SLC5A10: variants seen among roughly 807,000 people sequenced by gnomAD.
SLC5A10 encodes the protein solute carrier family 5 member 10, also known as sodium/mannose cotransporter SLC5A10.
SLC5A10 carries 55 observed loss-of-function variants against 68.9 expected under a neutral mutation model. The observed-to-expected ratio is 0.80, with a 90% CI of 0.64 to 1.00. The LOEUF (loss-of-function observed/expected upper bound fraction) is 1.00, where lower values mean the gene tolerates loss of function less well. SLC5A10 is among the 50% of genes least tolerant of loss of function. The probability of loss-of-function intolerance (pLI) is 0.00; values close to 1 mark genes in which losing one functional copy is unlikely to be tolerated. For synonymous variants in SLC5A10, 344 were observed against 344.8 expected, an observed-to-expected ratio of 1.00 and a Z score of 0.02; for missense variants, 732 against 819.3, an observed-to-expected ratio of 0.89 and a Z score of 1.30.
At chr17:18,989,528 G>C (rs1473975695) in intron 9 of SLC5A10, among the ~76,000 whole-genome samples, 1 of 152,226 alleles carries the variant, frequency 6.6e-6, no homozygotes, top group Non-Finnish European at 1.5e-5. Flanking sequence ...CAAACTCACT[G>C]TGTGACCCTG....
rs2071363906 is a variant in SLC5A10 at position 19,021,864 on chromosome 17, C to T, written c.*1433C>T. 5 of 1,299,854 alleles carry T rather than the reference C, an allele frequency of 3.8e-6. No homozygotes were observed. The highest frequency in any genetic ancestry group is 5.0e-6 in the Non-Finnish European group (5 of 993,844). 80.5% of individuals were successfully genotyped at this position (1,299,854 alleles called of 1,614,324 possible). On this transcript the variant is annotated 3_prime_UTR_variant, in exon 15 of 15. Coordinates refer to ENST00000395645, the MANE Select transcript of SLC5A10 (RefSeq NM_001042450.4). This position sits in a 1 kb window ranked among gnomAD's most constrained non-coding sequence, Gnocchi z 4.1. ...TTCAGTCCAAGGCCGTCCACTGAGC[C>T]CCGTGTGACTCTGACAGAGCTGGGG...
chr17:19,011,614 GGGATT>G (rs2044015196), intron 9 of SLC5A10, among the ~76,000 whole-genome samples: 1 of 152,006 alleles, frequency 6.6e-6, no homozygotes, highest in Admixed American at 6.6e-5. Flanking sequence ...GGAGGAGCAT[GGGATT>G]GGGCAGGGTG....
chr17:18,971,300 C>A lies in SLC5A10; in HGVS notation c.846+82C>A. On this transcript the variant is annotated intron_variant, in intron 8 of 14. Coordinates refer to ENST00000395645, the MANE Select transcript of SLC5A10 (RefSeq NM_001042450.4). The surrounding 1 kb of genome is among the most constrained non-coding windows in gnomAD (Gnocchi z 5.5). Reference sequence around the variant, plus strand: ...TAGGCCCAGGCGGCCTGTCTGCCCTCCGCGTCATGAGTCTGGGCTGGGGCC... The same window carrying A: ...TAGGCCCAGGCGGCCTGTCTGCCCTACGCGTCATGAGTCTGGGCTGGGGCC... 1.9e-6 allele frequency: 3 copies of A among 1,608,796 alleles called. No homozygotes were observed. Among genetic ancestry groups the A allele is most frequent in the Non-Finnish European group, 2.5e-6 (3 of 1,176,584 alleles).
rs918272140 is a variant in SLC5A10 at position 19,003,278 on chromosome 17, G to T, written c.983-10132G>T. 6.6e-6 allele frequency among the ~76,000 whole-genome samples: 1 copy of T among 151,480 alleles called. No individual in the cohort carries two copies. Among genetic ancestry groups the T allele is most frequent in the Admixed American group, 6.6e-5 (1 of 15,220 alleles). ...AGAAACACCCTCCAACAATAAAGAG[G>T]CCCTTTGAGACGGGGCAGCCCACTG... On this transcript the variant is annotated intron_variant, in intron 9 of 14. Transcript: ENST00000395645. The surrounding 1 kb of genome is among the most constrained non-coding windows in gnomAD (Gnocchi z 4.5).
intron 9 of SLC5A10, among the ~76,000 whole-genome samples, chr17:18,993,091 C>A (rs1251654775): frequency 3.3e-5 from 5 of 152,170 alleles, no homozygotes; most frequent in African/African-American, 7.2e-5. Context: ...TGGTTCCGAG[C>A]ATGGTGGGAA....
chr17:19,009,383 C>T (rs941202545), intron 9 of SLC5A10, among the ~76,000 whole-genome samples: 1 of 151,952 alleles, frequency 6.6e-6, no homozygotes, highest in African/African-American at 2.4e-5. Context: ...GACATGCTTT[C>T]GCCAGGCTTT....
chr17:19,012,810 G>A (rs1399291590), intron 9 of SLC5A10, among the ~76,000 whole-genome samples: 2 of 152,228 alleles, frequency 1.3e-5, no homozygotes, highest in African/African-American at 2.4e-5. Flanking sequence ...GTTGGAGACA[G>A]GGGTGTGGAT....
Position 18,971,502 on chromosome 17 carries a change from C to T in SLC5A10, c.846+284C>T, listed in dbSNP as rs776704845. On this transcript the variant is annotated intron_variant, in intron 8 of 14. Transcript: ENST00000395645. The surrounding 1 kb of genome is among the most constrained non-coding windows in gnomAD (Gnocchi z 5.5). ...ATTCCGAAGGGACTCGGATGCTCCTCGGTGGCCCTGCCATCGGTCATGGGG... is the reference window on the plus strand; with the variant it reads ...ATTCCGAAGGGACTCGGATGCTCCTTGGTGGCCCTGCCATCGGTCATGGGG... 1.7e-5 allele frequency: 28 copies of T among 1,613,888 alleles called. No individual in the cohort carries two copies. The African/African-American group carries it at 1.7e-4, about 10-fold the overall frequency.
In SLC5A10 at chr17:19,017,383, C is replaced by T. The variant is rs949330130; in HGVS notation, c.1242-2040C>T. ...AGCGGTATCTCCTAGGCCTCGTGGT[C>T]ATGGATCTCTGGTAGGGTGAATGGC... On this transcript the variant is annotated intron_variant, in intron 11 of 14. Coordinates refer to ENST00000395645, the MANE Select transcript of SLC5A10 (RefSeq NM_001042450.4). This position sits in a 1 kb window ranked among gnomAD's most constrained non-coding sequence, Gnocchi z 5.6. 2 of 1,551,622 alleles carry T rather than the reference C, an allele frequency of 1.3e-6. No homozygotes were observed. Among genetic ancestry groups the T allele is most frequent in the Non-Finnish European group, 1.7e-6 (2 of 1,146,970 alleles).
At chr17:18,970,781 G>T (rs549523143) in intron 7 of SLC5A10, 1 of 558,080 alleles carries the variant, frequency 1.8e-6, no homozygotes, top group South Asian at 2.2e-5. Context: ...TGTGCAAAAT[G>T]CTTACTTAAT....
chr17:18,963,548 G>T (rs73306439), intron 5 of SLC5A10, among the ~76,000 whole-genome samples: 9,300 of 152,348 alleles, frequency 0.061, 437 homozygotes, highest in South Asian at 0.25. Flanking sequence ...GCTGCGAGAG[G>T]ACTGGGGCTA....
At chr17:19,001,620 T>C (rs1460459791) in intron 9 of SLC5A10, among the ~76,000 whole-genome samples, 2 of 152,170 alleles carry the variant, frequency 1.3e-5, no homozygotes, top group African/African-American at 2.4e-5. Flanking sequence ...GAAGGCAATG[T>C]CACCTTAGGT....
chr17:18,978,262 G>A, intron 9 of SLC5A10: 4 of 1,607,362 alleles, frequency 2.5e-6, no homozygotes, highest in Non-Finnish European at 3.4e-6. Context: ...GACGGGGCCT[G>A]CTGTCCTGGC....
Position 19,017,618 on chromosome 17 carries a change from C to T in SLC5A10, c.1242-1805C>T, listed in dbSNP as rs1597917170. On this transcript the variant is annotated intron_variant, in intron 11 of 14. Coordinates refer to ENST00000395645, the MANE Select transcript of SLC5A10 (RefSeq NM_001042450.4). This position sits in a 1 kb window ranked among gnomAD's most constrained non-coding sequence, Gnocchi z 5.6. ...CACTCCCGTATGCCTGCCCCAAGCC[C>T]CCACACCTCAGTCCACTGTTCCGCC... 1 of 537,188 alleles carries T rather than the reference C, an allele frequency of 1.9e-6. No homozygotes were observed. The highest frequency in any genetic ancestry group is 3.2e-5 in the East Asian group (1 of 31,076). 33.3% of individuals were successfully genotyped at this position (537,188 alleles called of 1,614,324 possible).
At chr17:18,987,534 G>A (rs569433165) in intron 9 of SLC5A10, among the ~76,000 whole-genome samples, 10 of 152,332 alleles carry the variant, frequency 6.6e-5, no homozygotes, top group African/African-American at 2.2e-4. Context: ...GCAGAAGAGC[G>A]TTGGACCAAT....
chr17:18,978,115 G>C (rs1199725636), intron 9 of SLC5A10: 2 of 1,518,240 alleles, frequency 1.3e-6, no homozygotes, highest in East Asian at 4.5e-5. Context: ...TGCTGTCCCG[G>C]GCTAGTACAT....
intron 11 of SLC5A10, among the ~76,000 whole-genome samples, chr17:19,016,860 C>T (rs1032496970): frequency 6.6e-6 from 1 of 152,194 alleles, no homozygotes; most frequent in Non-Finnish European, 1.5e-5. Flanking sequence ...CTCTAAGCCC[C>T]TCCATGCTCC....
At position 18,991,305 on chromosome 17, in the gene SLC5A10, G is replaced by A. The variant is rs142417919; in HGVS notation, c.982+14316G>A. 6.4e-4 allele frequency among the ~76,000 whole-genome samples: 98 copies of A among 152,244 alleles called. 2 individuals are homozygous for A. The South Asian group carries it at 7.7e-3, about 12-fold the overall frequency. ...GGTCTGGGAATGACTGCAGGAATCAGGGCATCTGGGACCACAGCCCCTCCT... is the reference window on the plus strand; with the variant it reads ...GGTCTGGGAATGACTGCAGGAATCAAGGCATCTGGGACCACAGCCCCTCCT... On this transcript the variant is annotated intron_variant, in intron 9 of 14. Coordinates refer to ENST00000395645, the MANE Select transcript of SLC5A10 (RefSeq NM_001042450.4).
chr17:19,019,298 G>C lies in SLC5A10; in HGVS notation c.1242-125G>C, dbSNP rs149895992. 264 of 1,222,932 alleles carry C rather than the reference G, an allele frequency of 2.2e-4. 2 individuals carry two copies. The African/African-American group carries it at 3.6e-3, about 17-fold the overall frequency. The allele number at this position is 1,222,932 out of a possible 1,614,324, so 75.8% of individuals were successfully genotyped here. ...CACTGGTGGTGTGGACCAGAGTCCA[G>C]GGAGGAGGCTGGAGCTGGGGTAGCA... On this transcript the variant is annotated intron_variant, in intron 11 of 14. Coordinates refer to ENST00000395645, the MANE Select transcript of SLC5A10 (RefSeq NM_001042450.4).
Sources: gnomAD v4.1 joint callset for allele counts (sites outside exome capture counted in the v4.1 genomes callset) on GRCh38, gnomAD v4.1.1 for gene constraint, Gnocchi (gnomAD v3.1) non-coding constraint, MANE v1.5 for transcripts, NCBI Gene and HGNC (gene_info 2026-07-23, HGNC 2026-07-21) for gene names.